Variants in FSD1L observed in about 807,000 individuals in gnomAD.
The protein encoded by FSD1L is FSD1-like protein.
FSD1L carries 45 observed loss-of-function variants against 71.6 expected under a neutral mutation model. That is an observed-to-expected ratio of 0.63 (90% CI 0.49 to 0.81). The LOEUF (loss-of-function observed/expected upper bound fraction) is 0.81, where lower values mean the gene tolerates loss of function less well. Ranked by LOEUF, FSD1L falls within the 30% of genes least tolerant of loss-of-function variation. The pLI, the probability that FSD1L is intolerant of heterozygous loss-of-function variation, is 0.00. For missense variants in FSD1L, 561 were observed against 618.1 expected (o/e 0.91, Z 0.98); for synonymous variants, 197 against 207.2 (o/e 0.95, Z 0.42).
intron 2 of FSD1L, among the ~76,000 whole-genome samples, chr9:105,462,206 T>G (rs1282162893): frequency 6.6e-6 from 1 of 151,848 alleles, no homozygotes; most frequent in Non-Finnish European, 1.5e-5. Context: ...GGTGGAAAGT[T>G]TTTTTAAGTT....
chr9:105,522,634 G>A (rs1231971656), intron 10 of FSD1L: 10 of 1,612,606 alleles, frequency 6.2e-6, no homozygotes, highest in Middle Eastern at 1.9e-4. Context: ...CCATTGCCTT[G>A]AAGTAGCAGC....
intron 1 of FSD1L, 126 bp from the exon 2 acceptor site, chr9:105,461,394 A>G: frequency 2.2e-6 from 1 of 450,562 alleles, no homozygotes; most frequent in Non-Finnish European, 3.9e-6. Flanking sequence ...TTAAATATTG[A>G]CTACATGTTG....
chr9:105,544,307 T>C (rs1836833456), intron 13 of FSD1L, among the ~76,000 whole-genome samples: 1 of 152,190 alleles, frequency 6.6e-6, no homozygotes, highest in Non-Finnish European at 1.5e-5. Flanking sequence ...TTTGAGTTCT[T>C]TGTAGATTCT....
intron 3 of FSD1L, among the ~76,000 whole-genome samples, chr9:105,465,082 A>G (rs1157291539): frequency 2.0e-5 from 3 of 152,206 alleles, no homozygotes; most frequent in Non-Finnish European, 4.4e-5. Flanking sequence ...GGAGAGGAAT[A>G]CTTAAGAAAA....
chr9:105,541,741 T>G (rs1343436109), intron 13 of FSD1L, among the ~76,000 whole-genome samples: 1 of 152,232 alleles, frequency 6.6e-6, no homozygotes, highest in Admixed American at 6.5e-5. Flanking sequence ...AATCAAGATA[T>G]AGAACATTTC....
At chr9:105,449,014 A>G (rs1326843453) in intron 1 of FSD1L, among the ~76,000 whole-genome samples, 3 of 152,244 alleles carry the variant, frequency 2.0e-5, no homozygotes, top group Non-Finnish European at 2.9e-5. Flanking sequence ...CTCCATATGA[A>G]AATAACCACC....
At chr9:105,469,453 G>A (rs1163265057) in intron 4 of FSD1L, among the ~76,000 whole-genome samples, 3 of 151,206 alleles carry the variant, frequency 2.0e-5, no homozygotes, top group African/African-American at 4.9e-5. Flanking sequence ...TTTTTTGATA[G>A]TGGCCATCAT....
chr9:105,508,212 C>G (rs1324005964), intron 8 of FSD1L, among the ~76,000 whole-genome samples: 8 of 132,086 alleles, frequency 6.1e-5, no homozygotes, highest in Non-Finnish European at 1.2e-4. Context: ...GAGTCCTGCT[C>G]TGTCGCCCAG....
chr9:105,471,196 G>C (rs1831431764), intron 4 of FSD1L, among the ~76,000 whole-genome samples: 1 of 152,140 alleles, frequency 6.6e-6, no homozygotes, highest in South Asian at 2.1e-4. Context: ...AAAGTCTTTT[G>C]CATATTGAGT....
At chr9:105,505,136 A>G (rs899080604) in intron 7 of FSD1L, among the ~76,000 whole-genome samples, 1 of 152,258 alleles carries the variant, frequency 6.6e-6, no homozygotes, top group Non-Finnish European at 1.5e-5. Flanking sequence ...TTATATTACC[A>G]TATAGAATAA....
At chr9:105,516,270 C>T (rs757772508) in intron 10 of FSD1L, among the ~76,000 whole-genome samples, 1 of 152,132 alleles carries the variant, frequency 6.6e-6, no homozygotes, top group African/African-American at 2.4e-5. Flanking sequence ...GCAGCTTTAG[C>T]GACTTAAACG....
upstream of FSD1L, among the ~76,000 whole-genome samples, chr9:105,445,664 G>T (rs2812300): frequency 0.29 from 43,736 of 152,026 alleles, 6,491 homozygotes; most frequent in Non-Finnish European, 0.31. Flanking sequence ...AGTCTGGTGA[G>T]TAGACTTTAG....
intron 10 of FSD1L, chr9:105,524,270 G>C: frequency 6.2e-7 from 1 of 1,612,522 alleles, no homozygotes; most frequent in East Asian, 2.2e-5. Flanking sequence ...CTTGTAACAT[G>C]CTTCACATGC....
chr9:105,524,311 A>G, intron 10 of FSD1L: 1 of 1,613,406 alleles, frequency 6.2e-7, no homozygotes, highest in Non-Finnish European at 8.5e-7. Flanking sequence ...CTTCAGATTT[A>G]CCAGCCTGAT....
At chr9:105,522,669 A>C (rs1176849355) in intron 10 of FSD1L, 3 of 1,612,180 alleles carry the variant, frequency 1.9e-6, no homozygotes, top group Non-Finnish European at 2.5e-6. Context: ...GGAACCATTC[A>C]CTGTTGAACG....
At chr9:105,491,370 G>T (rs539313764) in intron 7 of FSD1L, among the ~76,000 whole-genome samples, 1 of 151,990 alleles carries the variant, frequency 6.6e-6, no homozygotes, top group South Asian at 2.1e-4. Flanking sequence ...CTTTGCTGAA[G>T]GTGCTTATCA....
chr9:105,494,622 C>G (rs548002916), intron 7 of FSD1L, among the ~76,000 whole-genome samples: 94 of 152,248 alleles, frequency 6.2e-4, no homozygotes, highest in African/African-American at 2.2e-3. Flanking sequence ...TTTTCCCCAT[C>G]TTTGTGGTTT....
intron 4 of FSD1L, among the ~76,000 whole-genome samples, chr9:105,470,508 CTATTA>C (rs2131639531): frequency 6.6e-6 from 1 of 152,080 alleles, no homozygotes; most frequent in Admixed American, 6.5e-5. Flanking sequence ...CTTTTTGATA[CTATTA>C]TAAGTGGATT....
chr9:105,487,375 A>G (rs940047119), intron 7 of FSD1L, among the ~76,000 whole-genome samples: 1 of 151,876 alleles, frequency 6.6e-6, no homozygotes, highest in African/African-American at 2.4e-5. Flanking sequence ...ATGTACTGGA[A>G]AATATTTGAA....
Sources: gnomAD v4.1 joint callset for allele counts (sites outside exome capture counted in the v4.1 genomes callset) on GRCh38, gnomAD v4.1.1 for gene constraint, MANE v1.5 for transcripts, NCBI Gene and HGNC (gene_info 2026-07-23, HGNC 2026-07-21) for gene names.